DOK6: variants seen among roughly 807,000 people sequenced by gnomAD.
The protein encoded by DOK6 is docking protein 6.
DOK6 carries 22 observed loss-of-function variants against 44.0 expected under a neutral mutation model. That is an observed-to-expected ratio of 0.50 (90% CI 0.36 to 0.71). The LOEUF (loss-of-function observed/expected upper bound fraction) is 0.71. Ranked by LOEUF, DOK6 falls within the 30% of genes least tolerant of loss-of-function variation. The pLI, the probability that DOK6 is intolerant of heterozygous loss-of-function variation, is 0.00. For synonymous variants in DOK6, 166 were observed against 145.5 expected (o/e 1.14, Z -1.01); for missense variants, 340 against 416.4 (o/e 0.82, Z 1.60).
chr18:69,562,445 A>G (rs1599193516), intron 1 of DOK6, among the ~76,000 whole-genome samples: 1 of 152,198 alleles, frequency 6.6e-6, no homozygotes, highest in Non-Finnish European at 1.5e-5. Context: ...GCCTTGCAGT[A>G]TAGTTTGAAG....
intron 1 of DOK6, among the ~76,000 whole-genome samples, chr18:69,430,309 A>T (rs1978768250): frequency 6.6e-6 from 1 of 152,192 alleles, no homozygotes; most frequent in Non-Finnish European, 1.5e-5. Flanking sequence ...AATGACAAGG[A>T]AAGTAGGTCA....
rs563332744 is a variant in DOK6 at position 69,744,171 on chromosome 18, G to A, written c.738+5068G>A. On this transcript the variant is annotated intron_variant, in intron 6 of 7. Coordinates refer to ENST00000382713, the MANE Select transcript of DOK6 (RefSeq NM_152721.6). Reference sequence around the variant, plus strand: ...ACTAAAAATACAAAAATTAGCTGGTGTGGTGGTGGGTGCCTGTAATCCCAG... The same window carrying A: ...ACTAAAAATACAAAAATTAGCTGGTATGGTGGTGGGTGCCTGTAATCCCAG... 2.6e-5 allele frequency among the ~76,000 whole-genome samples: 4 copies of A among 152,138 alleles called. No individual in the cohort carries two copies. In the East Asian group the frequency reaches 7.8e-4, roughly 30 times the overall value.
intron 4 of DOK6, among the ~76,000 whole-genome samples, chr18:69,692,537 A>G (rs1024746784): frequency 6.6e-6 from 1 of 152,258 alleles, no homozygotes; most frequent in Non-Finnish European, 1.5e-5. Context: ...GCCTCCTGCC[A>G]TCAGAGAATC....
At position 69,710,781 on chromosome 18, in the gene DOK6, G is replaced by A. The variant is rs118116705; in HGVS notation, c.599+12188G>A. Among the ~76,000 whole-genome samples the A allele has an allele frequency of 4.6e-4, 70 of 152,318 alleles. 1 individual carries two copies. The East Asian group carries it at 7.5e-3, about 16-fold the overall frequency. ...ATATTCTGCCATGAGAACAAAAACCGATTAAACTACAAATAAAATTGGGTA... is the reference window on the plus strand; with the variant it reads ...ATATTCTGCCATGAGAACAAAAACCAATTAAACTACAAATAAAATTGGGTA... On this transcript the variant is annotated intron_variant, in intron 5 of 7. Transcript: ENST00000382713.
At chr18:69,826,464 G>T (rs969750751) in intron 7 of DOK6, among the ~76,000 whole-genome samples, 1 of 152,082 alleles carries the variant, frequency 6.6e-6, no homozygotes, top group South Asian at 2.1e-4. Flanking sequence ...ACTAATAAGG[G>T]GTTAAGATGA....
chr18:69,642,818 T>A (rs1354475667), intron 3 of DOK6, among the ~76,000 whole-genome samples: 1 of 152,240 alleles, frequency 6.6e-6, no homozygotes, highest in East Asian at 1.9e-4. Flanking sequence ...ATATGGTAGA[T>A]GTTGCCACAT....
intron 1 of DOK6, among the ~76,000 whole-genome samples, chr18:69,535,890 A>C (rs543700965): frequency 2.0e-4 from 31 of 152,248 alleles, no homozygotes; most frequent in African/African-American, 7.5e-4. Flanking sequence ...CAACGTAACA[A>C]GTATAACTTC....
At chr18:69,408,180 A>T (rs1978292445) in intron 1 of DOK6, among the ~76,000 whole-genome samples, 1 of 152,186 alleles carries the variant, frequency 6.6e-6, no homozygotes, top group African/African-American at 2.4e-5. Flanking sequence ...ACCACTTTGG[A>T]GTATATATAG....
At chr18:69,423,799 C>T (rs1348560673) in intron 1 of DOK6, among the ~76,000 whole-genome samples, 1 of 152,094 alleles carries the variant, frequency 6.6e-6, no homozygotes, top group African/African-American at 2.4e-5. Flanking sequence ...TTTCTTAAAA[C>T]ATAATTTGCT....
At chr18:69,518,057 CT>C (rs1255949616) in intron 1 of DOK6, among the ~76,000 whole-genome samples, 1 of 152,154 alleles carries the variant, frequency 6.6e-6, no homozygotes, top group African/African-American at 2.4e-5. Flanking sequence ...TTATGCATTT[CT>C]TTGAGTCTCT....
chr18:69,767,666 T>C lies in DOK6; in HGVS notation c.856+9793T>C, dbSNP rs191901765. On this transcript the variant is annotated intron_variant, in intron 7 of 7. Transcript: ENST00000382713. ...CCAGAAGCCTTTCAGAGACCTTTCT[T>C]CCTCCATGAGGCCCCAGCCTCTTTC... 2.7e-3 allele frequency among the ~76,000 whole-genome samples: 414 copies of C among 152,292 alleles called. 1 individual carries two copies. Among genetic ancestry groups the C allele is most frequent in the Non-Finnish European group, 4.4e-3 (297 of 68,030 alleles).
At chr18:69,408,524 A>T (rs185743297) in intron 1 of DOK6, among the ~76,000 whole-genome samples, 27 of 152,250 alleles carry the variant, frequency 1.8e-4, no homozygotes, top group Admixed American at 4.6e-4. Context: ...ATAGTTAAAT[A>T]TCTTTAGTTT....
intron 2 of DOK6, among the ~76,000 whole-genome samples, chr18:69,565,476 T>TAC (rs1397235476): frequency 1.9e-4 from 1 of 5,204 alleles, no homozygotes; most frequent in Non-Finnish European, 6.6e-4. Flanking sequence ...TGTCTCTACG[T>TAC]GTGTGTGTGT....
At chr18:69,684,757 T>C (rs1599261864) in intron 4 of DOK6, among the ~76,000 whole-genome samples, 1 of 152,148 alleles carries the variant, frequency 6.6e-6, no homozygotes, top group Admixed American at 6.5e-5. Context: ...ACGAAAGGCA[T>C]AGGACAAGTA....
At chr18:69,663,517 GATA>G (rs1212880455) in intron 3 of DOK6, 1 of 152,020 alleles carries the variant, frequency 6.6e-6, no homozygotes, top group African/African-American at 2.4e-5. Flanking sequence ...CCCAATGACA[GATA>G]ATAATTAAAT....
rs370128951 is a variant in DOK6, at chr18:69,845,758, G to A, written c.*4375G>A. ...TCATACTGAGTATGCAATTTACAGA[G>A]GACATCTGTTGCTTTATGTCTTAAG... is the stretch of plus-strand genomic sequence containing the variant. On this transcript the variant is annotated 3_prime_UTR_variant, in exon 8 of 8. Coordinates refer to ENST00000382713, the MANE Select transcript of DOK6 (RefSeq NM_152721.6). The A allele has an allele frequency of 2.6e-5, 4 of 152,238 alleles. No homozygotes were observed. Among genetic ancestry groups the A allele is most frequent in the African/African-American group, 9.6e-5 (4 of 41,542 alleles). 9.4% of individuals were successfully genotyped at this position (152,238 alleles called of 1,614,324 possible). A position where few individuals can be genotyped will look rare whatever the true frequency, so the allele number is the denominator to read the frequency against.
intron 5 of DOK6, among the ~76,000 whole-genome samples, chr18:69,700,499 GTTT>G (rs1028420381): frequency 2.0e-5 from 3 of 152,002 alleles, no homozygotes; most frequent in African/African-American, 7.2e-5. Flanking sequence ...GTCCACATTA[GTTT>G]TTTAAGATCT....
chr18:69,825,305 A>G (rs1307382785), intron 7 of DOK6, among the ~76,000 whole-genome samples: 1 of 152,040 alleles, frequency 6.6e-6, no homozygotes, highest in Non-Finnish European at 1.5e-5. Flanking sequence ...ACATTAAAAT[A>G]CTCTTATCTT....
At chr18:69,566,111 GTTTATTTATTTA>G (rs56218878) in intron 2 of DOK6, among the ~76,000 whole-genome samples, 46,726 of 149,970 alleles carry the variant, frequency 0.31, 7,669 homozygotes, top group East Asian at 0.56. Flanking sequence ...GTACAGCTCG[GTTTATTTATTTA>G]TTTATTTATT....
Sources: gnomAD v4.1 joint callset for allele counts (sites outside exome capture counted in the v4.1 genomes callset) on GRCh38, gnomAD v4.1.1 for gene constraint, MANE v1.5 for transcripts, NCBI Gene and HGNC (gene_info 2026-07-23, HGNC 2026-07-21) for gene names.